NBAS: variants seen among roughly 807,000 people sequenced by gnomAD.
NBAS encodes NBAS subunit of NRZ tethering complex.
In NBAS, 219 loss-of-function variants were observed where a neutral mutation model predicts 302.5. That is an observed-to-expected ratio of 0.72 (90% CI 0.65 to 0.81). The LOEUF (loss-of-function observed/expected upper bound fraction) is 0.81, where lower values mean the gene tolerates loss of function less well. Among genes scored for constraint, NBAS ranks in the 30% least tolerant of loss-of-function variants. The probability of loss-of-function intolerance (pLI) is 0.00; values close to 1 mark genes in which losing one functional copy is unlikely to be tolerated. For missense variants in NBAS, 2,932 were observed against 2,841.6 expected, an observed-to-expected ratio of 1.03 and a Z score of -0.72; for synonymous variants, 1,118 against 1,021.6, an observed-to-expected ratio of 1.09 and a Z score of -1.80.
At chr2:14,915,755 T>C in the NBAS span, among the ~76,000 whole-genome samples, 1 of 152,110 alleles carries the variant, frequency 6.6e-6, no homozygotes, top group Non-Finnish European at 1.5e-5. Context: ...AGAGATGGGG[T>C]TTCACCATAT....
intron 42 of NBAS, among the ~76,000 whole-genome samples, chr2:15,283,666 T>C (rs1669918368): frequency 6.6e-6 from 1 of 152,164 alleles, no homozygotes; most frequent in Non-Finnish European, 1.5e-5. Context: ...AGCGTGAGAA[T>C]GGACTAATAC....
the NBAS span, among the ~76,000 whole-genome samples, chr2:14,812,332 C>T: frequency 7.0e-4 from 107 of 152,258 alleles, 1 homozygote; most frequent in South Asian, 0.019. Context: ...CCATGCCAAC[C>T]CCAGAGCCAA....
intron 9 of NBAS, among the ~76,000 whole-genome samples, chr2:15,514,699 A>G (rs985938933): frequency 4.6e-5 from 7 of 151,556 alleles, no homozygotes; most frequent in African/African-American, 1.7e-4. Context: ...TATAATATAT[A>G]ATTTCTACTA....
chr2:15,293,095 C>T (rs1391411319), intron 40 of NBAS, among the ~76,000 whole-genome samples: 1 of 152,200 alleles, frequency 6.6e-6, no homozygotes, highest in Non-Finnish European at 1.5e-5. Flanking sequence ...TCAGATTTGT[C>T]TGCCAACCAT....
intron 42 of NBAS, among the ~76,000 whole-genome samples, chr2:15,281,379 AT>A (rs1669818032): frequency 6.6e-6 from 1 of 152,246 alleles, no homozygotes; most frequent in South Asian, 2.1e-4. Context: ...GCTAAGCACT[AT>A]GTCATCTGAT....
At chr2:15,191,514 T>A (rs1665355430) in intron 48 of NBAS, among the ~76,000 whole-genome samples, 1 of 152,204 alleles carries the variant, frequency 6.6e-6, no homozygotes, top group African/African-American at 2.4e-5. Flanking sequence ...CCACAGCCAT[T>A]TTGTAGCTTT....
chr2:14,976,629 T>C, the NBAS span, among the ~76,000 whole-genome samples: 1 of 152,200 alleles, frequency 6.6e-6, no homozygotes, highest in Non-Finnish European at 1.5e-5. Flanking sequence ...CTTCAACACC[T>C]GTGAATGTGA....
At chr2:14,854,007 G>T in the NBAS span, among the ~76,000 whole-genome samples, 2 of 145,576 alleles carry the variant, frequency 1.4e-5, no homozygotes, top group Admixed American at 1.4e-4. Flanking sequence ...CACCAGCATG[G>T]CACATGTATA....
the NBAS span, among the ~76,000 whole-genome samples, chr2:14,962,491 T>C: frequency 5.3e-5 from 8 of 152,260 alleles, no homozygotes; most frequent in Admixed American, 1.3e-4. Flanking sequence ...CACCTTCCAC[T>C]GGGGTTCACT....
intron 50 of NBAS, among the ~76,000 whole-genome samples, chr2:15,182,265 T>G (rs1325721584): frequency 1.3e-5 from 2 of 152,208 alleles, no homozygotes; most frequent in Non-Finnish European, 2.9e-5. Context: ...GAACATCAAG[T>G]GTTTGTTATA....
At chr2:15,014,187 C>CTT in the NBAS span, among the ~76,000 whole-genome samples, 2 of 152,068 alleles carry the variant, frequency 1.3e-5, no homozygotes, top group Non-Finnish European at 2.9e-5. Flanking sequence ...GAGATAGACA[C>CTT]TTGTGAAATA....
At chr2:14,987,019 C>T in the NBAS span, among the ~76,000 whole-genome samples, 1 of 151,830 alleles carries the variant, frequency 6.6e-6, no homozygotes, top group South Asian at 2.1e-4. Context: ...AATTGATGTC[C>T]TAATTATTAG....
At chr2:15,187,021 G>A in intron 49 of NBAS, 141 bp from the exon 50 acceptor site, 1 of 1,254,862 alleles carries the variant, frequency 8.0e-7, no homozygotes, top group Non-Finnish European at 1.1e-6. Context: ...CAACCTTGTA[G>A]AAAAGATAAC....
intron 38 of NBAS, 25 bp downstream of exon 38, chr2:15,327,725 A>C (rs1335090114): frequency 5.0e-6 from 8 of 1,613,332 alleles, no homozygotes; most frequent in Non-Finnish European, 6.8e-6. Flanking sequence ...ACACACTGTC[A>C]AGGGACTAGA....
the NBAS span, among the ~76,000 whole-genome samples, chr2:15,121,359 T>C: frequency 6.6e-6 from 1 of 152,166 alleles, no homozygotes; most frequent in South Asian, 2.1e-4. Flanking sequence ...GGAACAACCC[T>C]GCAACCTGCT....
At chr2:15,333,768 A>C (rs1672454800) in intron 35 of NBAS, among the ~76,000 whole-genome samples, 1 of 151,718 alleles carries the variant, frequency 6.6e-6, no homozygotes, top group African/African-American at 2.4e-5. Flanking sequence ...GAAAGAAAAA[A>C]AAAAAATGGA....
At chr2:14,846,355 A>G in the NBAS span, among the ~76,000 whole-genome samples, 1 of 152,082 alleles carries the variant, frequency 6.6e-6, no homozygotes, top group Non-Finnish European at 1.5e-5. Flanking sequence ...ATAAAGAAGT[A>G]GTGAAAACTT....
chr2:15,398,147 G>GTTTT lies in NBAS; in HGVS notation c.3072-1673_3072-1672insAAAA, dbSNP rs1558303544. On this transcript the variant is annotated intron_variant, in intron 26 of 51. Transcript: ENST00000281513. ...TTTGTTTGTTTGTTTTGTTTTGTTT[G>GTTTT]GTTTGGTTTTGTTTGAGACAGGGTT... 5.9e-3 allele frequency among the ~76,000 whole-genome samples: 235 copies of GTTTT among 39,598 alleles called. 2 individuals are homozygous for GTTTT. Among genetic ancestry groups the GTTTT allele is most frequent in the Admixed American group, 0.026 (100 of 3,812 alleles). The allele number at this position is 39,598 out of a possible 152,430, so 26.0% of individuals were successfully genotyped here.
the NBAS span, among the ~76,000 whole-genome samples, chr2:15,080,651 G>A: frequency 1.3e-5 from 2 of 152,188 alleles, no homozygotes; most frequent in Admixed American, 1.3e-4. Flanking sequence ...GGGAAATTCA[G>A]CTGGTGGATG....
Sources: gnomAD v4.1 joint callset for allele counts (sites outside exome capture counted in the v4.1 genomes callset) on GRCh38, gnomAD v4.1.1 for gene constraint, MANE v1.5 for transcripts, NCBI Gene and HGNC (gene_info 2026-07-23, HGNC 2026-07-21) for gene names.